The following KCNQ5 variants were observed in gnomAD, a reference collection of about 807,000 sequenced individuals.
KCNQ5 encodes potassium voltage-gated channel subfamily Q member 5.
Under a neutral mutation model 98.2 loss-of-function variants are expected in KCNQ5, and 30 were observed. The ratio of observed to expected loss-of-function variants is 0.31; its 90% CI spans 0.23 to 0.41. The LOEUF (loss-of-function observed/expected upper bound fraction) is 0.41. Ranked by LOEUF, KCNQ5 falls within the 10% of genes least tolerant of loss-of-function variation. KCNQ5 has a pLI of 1.00. For synonymous variants in KCNQ5, 458 were observed against 449.4 expected (o/e 1.02, Z -0.24); for missense variants, 835 against 1,182.5 (o/e 0.71, Z 4.31).
chr6:72,650,675 G>A (rs1478255933), intron 1 of KCNQ5, among the ~76,000 whole-genome samples: 1 of 152,044 alleles, frequency 6.6e-6, no homozygotes, highest in Non-Finnish European at 1.5e-5. Flanking sequence ...TATATGGAAG[G>A]GCACAGTGAA....
intron 1 of KCNQ5, among the ~76,000 whole-genome samples, chr6:72,628,506 C>T (rs2098919118): frequency 6.6e-6 from 1 of 152,208 alleles, no homozygotes; most frequent in African/African-American, 2.4e-5. Flanking sequence ...CATTTCCTTT[C>T]CTCTTCTCTG....
chr6:73,163,086 ATTG>A (rs1364253620), intron 10 of KCNQ5, among the ~76,000 whole-genome samples: 4 of 152,208 alleles, frequency 2.6e-5, no homozygotes, highest in Admixed American at 2.6e-4. Context: ...AATACAAATT[ATTG>A]TAAAATCAAA....
chr6:72,871,567 CTTG>C (rs1778207949), intron 1 of KCNQ5, among the ~76,000 whole-genome samples: 1 of 152,292 alleles, frequency 6.6e-6, no homozygotes, highest in African/African-American at 2.4e-5. Flanking sequence ...TAATAACTCG[CTTG>C]TAGTTGTAAC....
intron 1 of KCNQ5, among the ~76,000 whole-genome samples, chr6:72,863,064 T>C (rs1581919978): frequency 6.6e-6 from 1 of 152,228 alleles, no homozygotes; most frequent in Non-Finnish European, 1.5e-5. Flanking sequence ...AAGCAGCTTA[T>C]GGCAGACTAA....
At chr6:73,070,865 TC>T (rs1773273708) in intron 3 of KCNQ5, among the ~76,000 whole-genome samples, 2 of 152,180 alleles carry the variant, frequency 1.3e-5, no homozygotes, top group African/African-American at 4.8e-5. Flanking sequence ...GAAGCACATA[TC>T]TGTGGTAGAC....
intron 1 of KCNQ5, among the ~76,000 whole-genome samples, chr6:72,924,355 T>C (rs772388286): frequency 1.3e-4 from 20 of 152,138 alleles, no homozygotes; most frequent in Non-Finnish European, 2.1e-4. Flanking sequence ...GAAATTAATA[T>C]TGGAACTATC....
chr6:73,130,504 C>A (rs892824136), intron 9 of KCNQ5, among the ~76,000 whole-genome samples: 1 of 152,150 alleles, frequency 6.6e-6, no homozygotes, highest in South Asian at 2.1e-4. Context: ...CAAAGCAAGA[C>A]CTCCTTGTTG....
chr6:72,656,904 A>G (rs1180934537), intron 1 of KCNQ5, among the ~76,000 whole-genome samples: 43 of 152,142 alleles, frequency 2.8e-4, no homozygotes, highest in Non-Finnish European at 4.4e-5. Context: ...TTATTTTATT[A>G]ATAACCCAAA....
chr6:72,703,114 C>T (rs953474433), intron 1 of KCNQ5, among the ~76,000 whole-genome samples: 1 of 152,202 alleles, frequency 6.6e-6, no homozygotes, highest in Admixed American at 6.5e-5. Flanking sequence ...CTATAGCAGA[C>T]AAGCTTTTAT....
Position 72,900,232 on chromosome 6 carries a change from A to G in KCNQ5, c.399-103676A>G, listed in dbSNP as rs993567725. Among the ~76,000 whole-genome samples, 73 of 151,680 alleles carry G rather than the reference A, an allele frequency of 4.8e-4. 2 individuals carry two copies. Among genetic ancestry groups the G allele is most frequent in the Admixed American group, 4.1e-3 (63 of 15,210 alleles). ...TGGTTTTCCATTCCTGAGTTACTTCACTTAGAATAATAGCCTCCAATCTCA... is the reference window on the plus strand; with the variant it reads ...TGGTTTTCCATTCCTGAGTTACTTCGCTTAGAATAATAGCCTCCAATCTCA... On this transcript the variant is annotated intron_variant, in intron 1 of 13. Transcript: ENST00000370398.
At chr6:73,096,036 G>A (rs1002489390) in intron 5 of KCNQ5, among the ~76,000 whole-genome samples, 1 of 152,152 alleles carries the variant, frequency 6.6e-6, no homozygotes, top group Non-Finnish European at 1.5e-5. Context: ...GAGGAGCAAG[G>A]AAGCCACTCT....
At chr6:73,079,597 T>A (rs1773683479) in intron 5 of KCNQ5, among the ~76,000 whole-genome samples, 1 of 152,198 alleles carries the variant, frequency 6.6e-6, no homozygotes, top group South Asian at 2.1e-4. Context: ...ACCTAAAGAT[T>A]CGAATTTTTT....
At chr6:72,665,341 CAAA>C (rs57257881) in intron 1 of KCNQ5, among the ~76,000 whole-genome samples, 9 of 112,940 alleles carry the variant, frequency 8.0e-5, no homozygotes, top group African/African-American at 2.3e-4. Context: ...AATACCCTGT[CAAA>C]AAAAAAAAAA....
chr6:72,939,647 T>C (rs574213563), intron 1 of KCNQ5, among the ~76,000 whole-genome samples: 2 of 152,176 alleles, frequency 1.3e-5, no homozygotes, highest in Admixed American at 6.5e-5. Flanking sequence ...GCTTCCGCAC[T>C]GATTAATTTA....
At chr6:73,183,189 T>C (rs1202001148) in intron 11 of KCNQ5, among the ~76,000 whole-genome samples, 2 of 152,172 alleles carry the variant, frequency 1.3e-5, no homozygotes, top group Non-Finnish European at 2.9e-5. Context: ...GTTTACAAGG[T>C]TGCCTGCCTG....
At chr6:72,799,120 T>C (rs1318750810) in intron 1 of KCNQ5, among the ~76,000 whole-genome samples, 3 of 152,074 alleles carry the variant, frequency 2.0e-5, no homozygotes, top group Non-Finnish European at 2.9e-5. Context: ...AGAGACAGAT[T>C]GCTTTCAAGG....
In KCNQ5 at chr6:73,066,513, T is replaced by G. The variant is rs577002340; in HGVS notation, c.617-10809T>G. On this transcript the variant is annotated intron_variant, in intron 3 of 13. Coordinates refer to ENST00000370398, the MANE Select transcript of KCNQ5 (RefSeq NM_019842.4). ...AAAAAATATTTGTCGAATGAACTAA[T>G]GAATGAATAAATAAATTGCCTTAAC... 3.3e-5 allele frequency among the ~76,000 whole-genome samples: 5 copies of G among 152,372 alleles called. 1 individual carries two copies. In the East Asian group the frequency reaches 9.6e-4, roughly 29 times the overall value.
intron 1 of KCNQ5, among the ~76,000 whole-genome samples, chr6:73,000,800 G>T (rs1188910910): frequency 6.6e-6 from 1 of 152,088 alleles, no homozygotes; most frequent in East Asian, 1.9e-4. Context: ...TATACACACT[G>T]CTGCCAACTT....
chr6:73,029,868 G>A (rs902336025), intron 2 of KCNQ5, among the ~76,000 whole-genome samples: 26 of 128,480 alleles, frequency 2.0e-4, no homozygotes, highest in African/African-American at 5.4e-4. Flanking sequence ...CCGAGATTGC[G>A]TCACTGCACT....
Sources: allele counts gnomAD v4.1 joint callset (sites outside exome capture counted in the v4.1 genomes callset), GRCh38; gene constraint gnomAD v4.1.1; transcripts MANE v1.5; gene names NCBI Gene and HGNC (gene_info 2026-07-23, HGNC 2026-07-21).